DSE: variants seen among roughly 807,000 people sequenced by gnomAD.
DSE encodes dermatan-sulfate epimerase.
Under a neutral mutation model 84.4 loss-of-function variants are expected in DSE, and 36 were observed. That is an observed-to-expected ratio of 0.43 (90% CI 0.33 to 0.56). The LOEUF is 0.56. Among genes scored for constraint, DSE ranks in the 20% least tolerant of loss-of-function variants. The probability of loss-of-function intolerance (pLI) is 0.06; values close to 1 mark genes in which losing one functional copy is unlikely to be tolerated. For missense variants in DSE, 862 were observed against 1,169.6 expected, an observed-to-expected ratio of 0.74 and a Z score of 3.84; for synonymous variants, 410 against 430.1, an observed-to-expected ratio of 0.95 and a Z score of 0.58.
At chr6:116,426,401 T>C (rs370372662) in intron 2 of DSE, among the ~76,000 whole-genome samples, 173 bp from the exon 3 acceptor site, 34 of 152,230 alleles carry the variant, frequency 2.2e-4, no homozygotes, top group Non-Finnish European at 4.3e-4. Context: ...TTTTTACATT[T>C]TAGACAAACT....
At chr6:116,401,884 G>A (rs2115000618) in intron 2 of DSE, among the ~76,000 whole-genome samples, 1 of 149,588 alleles carries the variant, frequency 6.7e-6, no homozygotes, top group East Asian at 2.0e-4. Context: ...AAAACTAGCT[G>A]TTACTTACAA....
chr6:116,390,242 A>AT (rs768127281), intron 1 of DSE, among the ~76,000 whole-genome samples: 82 of 151,826 alleles, frequency 5.4e-4, no homozygotes, highest in Non-Finnish European at 9.1e-4. Flanking sequence ...TAATTTTTGT[A>AT]TTTTTTTGTA....
rs371043332 is a variant in DSE at position 116,436,636 on chromosome 6, G to A, written c.2168G>A (p.Arg723Gln). The change falls in exon 6 of 6, where the codon CGG (arginine) becomes CAG (glutamine). Residue 723 changes from arginine to glutamine, a missense_variant. Arg to Gln is a conservative substitution (Grantham distance 43). This residue lies in a region of DSE where 315 missense variants were observed against 348.1 expected (regional missense o/e 0.90). Transcript: ENST00000644252. ...GATCGTCACAAAATTCTGTTTGACC[G>A]GAATTCAGCCATCAAGAGCAGCATT... is the stretch of plus-strand genomic sequence containing the variant. ...IADRHKILFD[R>Q]NSAIKSSIVP... The A allele has an allele frequency of 1.0e-4, 165 of 1,613,986 alleles. No individual in the cohort carries two copies. The highest frequency in any genetic ancestry group is 1.6e-4 in the Middle Eastern group (1 of 6,080).
chr6:116,394,813 G>A (rs1781137331), intron 1 of DSE, among the ~76,000 whole-genome samples: 2 of 152,142 alleles, frequency 1.3e-5, no homozygotes, highest in Admixed American at 6.5e-5. Context: ...GAATTTCAGG[G>A]GACATGATGC....
chr6:116,271,824 C>A (rs920035146), intron 2 of DSE, among the ~76,000 whole-genome samples: 2 of 152,062 alleles, frequency 1.3e-5, no homozygotes, highest in Non-Finnish European at 2.9e-5. Flanking sequence ...ATTTTAAAAT[C>A]TATTTATTGA....
At chr6:116,269,799 C>T (rs1047711120) in intron 2 of DSE, among the ~76,000 whole-genome samples, 28 of 152,242 alleles carry the variant, frequency 1.8e-4, no homozygotes, top group African/African-American at 4.8e-4. Flanking sequence ...GACTTGGTTG[C>T]TCAAAGTCAC....
At chr6:116,411,383 G>T (rs1782343964) in intron 2 of DSE, among the ~76,000 whole-genome samples, 1 of 152,188 alleles carries the variant, frequency 6.6e-6, no homozygotes, top group African/African-American at 2.4e-5. Context: ...CAGCCACGTG[G>T]GTGTCCTCAA....
intron 1 of DSE, chr6:116,254,943 A>G (rs1333463277): frequency 6.6e-6 from 1 of 152,354 alleles, no homozygotes; most frequent in South Asian, 2.1e-4. Context: ...ACTGCAGCAC[A>G]GGAGCAATAA....
At chr6:116,410,695 C>A (rs1002320989) in intron 2 of DSE, among the ~76,000 whole-genome samples, 57 of 135,064 alleles carry the variant, frequency 4.2e-4, no homozygotes, top group Non-Finnish European at 7.3e-4. Context: ...GATCGCTCCA[C>A]TGCACTCCAG....
chr6:116,394,948 C>A (rs1347586003), intron 1 of DSE, among the ~76,000 whole-genome samples: 1 of 152,102 alleles, frequency 6.6e-6, no homozygotes, highest in Non-Finnish European at 1.5e-5. Context: ...TTGAACTGGG[C>A]GAAGTGCAAC....
upstream of DSE, among the ~76,000 whole-genome samples, chr6:116,365,715 T>C (rs189310964): frequency 3.3e-5 from 5 of 152,344 alleles, no homozygotes; most frequent in African/African-American, 1.2e-4. Context: ...TAAATCAGAA[T>C]TTCTAAGAGT....
At chr6:116,360,771 CTG>C (rs1334772038) in intron 2 of DSE, among the ~76,000 whole-genome samples, 1 of 152,136 alleles carries the variant, frequency 6.6e-6, no homozygotes, top group Non-Finnish European at 1.5e-5. Flanking sequence ...ACTTATTCCT[CTG>C]TGATGAATTT....
chr6:116,267,198 C>A (rs1317978439), intron 2 of DSE, among the ~76,000 whole-genome samples: 1 of 152,230 alleles, frequency 6.6e-6, no homozygotes, highest in Non-Finnish European at 1.5e-5. Flanking sequence ...GATACTCTTT[C>A]TACTTATTAA....
At chr6:116,333,023 C>A (rs960049550) in intron 2 of DSE, among the ~76,000 whole-genome samples, 28 of 152,150 alleles carry the variant, frequency 1.8e-4, no homozygotes, top group Non-Finnish European at 4.1e-4. Context: ...TCCTGATAAT[C>A]TCAACTGTGG....
At chr6:116,390,170 C>T (rs898309579) in intron 1 of DSE, among the ~76,000 whole-genome samples, 77 of 152,048 alleles carry the variant, frequency 5.1e-4, no homozygotes, top group African/African-American at 1.8e-3. Context: ...CAGCTTCAAG[C>T]GATCCTCCCA....
At chr6:116,433,760 T>C (rs1450184133) in intron 5 of DSE, among the ~76,000 whole-genome samples, 1 of 152,190 alleles carries the variant, frequency 6.6e-6, no homozygotes, top group African/African-American at 2.4e-5. Context: ...AAATTTCAAC[T>C]TTTAGATACA....
rs145894868 is a variant in DSE at position 116,326,726 on chromosome 6, T to G, written c.-54+67759T>G. 1.2e-3 allele frequency among the ~76,000 whole-genome samples: 176 copies of G among 152,310 alleles called. 1 individual carries two copies. The highest frequency in any genetic ancestry group is 2.2e-3 in the Non-Finnish European group (148 of 68,024). On this transcript the variant is annotated intron_variant, in intron 2 of 3. Coordinates refer to the DSE transcript ENST00000430252. ...ACTGCTGAGGTACAAAGCATGAATTTAGGTGAAGACTTAATGGAAAGAACA... is the reference window on the plus strand; with the variant it reads ...ACTGCTGAGGTACAAAGCATGAATTGAGGTGAAGACTTAATGGAAAGAACA...
At chr6:116,372,819 A>T (rs1339240196) in intron 1 of DSE, among the ~76,000 whole-genome samples, 1 of 152,208 alleles carries the variant, frequency 6.6e-6, no homozygotes, top group South Asian at 2.1e-4. Context: ...CCTAGGTTAC[A>T]TACACAGGTA....
upstream of DSE, chr6:116,369,822 T>C (rs915987737): frequency 5.7e-6 from 6 of 1,050,576 alleles, no homozygotes; most frequent in Non-Finnish European, 6.4e-6. Context: ...TTTGGCCAAA[T>C]AGAAGTGAGA....
Sources: gnomAD v4.1 joint callset for allele counts (sites outside exome capture counted in the v4.1 genomes callset) on GRCh38, gnomAD v4.1.1 for gene constraint, gnomAD v4.1.1 regional missense constraint, MANE v1.5 for transcripts, NCBI Gene and HGNC (gene_info 2026-07-23, HGNC 2026-07-21) for gene names.